MYO9A: variants seen among roughly 807,000 people sequenced by gnomAD.
MYO9A encodes the protein myosin IXA.
MYO9A carries 103 observed loss-of-function variants against 293.3 expected under a neutral mutation model. The observed-to-expected ratio is 0.35, with a 90% CI of 0.30 to 0.41. The LOEUF (loss-of-function observed/expected upper bound fraction) is 0.41, where lower values mean the gene tolerates loss of function less well. MYO9A is among the 10% of genes least tolerant of loss of function. The pLI is 1.00. For missense variants in MYO9A, 2,685 were observed against 3,033.0 expected, an observed-to-expected ratio of 0.89 and a Z score of 2.69; for synonymous variants, 1,001 against 1,035.7, an observed-to-expected ratio of 0.97 and a Z score of 0.64.
intron 10 of MYO9A, among the ~76,000 whole-genome samples, chr15:71,993,282 G>A (rs530751598): frequency 2.6e-5 from 4 of 151,940 alleles, no homozygotes; most frequent in Non-Finnish European, 4.4e-5. Context: ...CCCAGGAGAC[G>A]GAGGTTGCAA....
At chr15:72,112,646 A>G (rs1369502747) in intron 1 of MYO9A, among the ~76,000 whole-genome samples, 1 of 152,238 alleles carries the variant, frequency 6.6e-6, no homozygotes, top group Non-Finnish European at 1.5e-5. Flanking sequence ...AACATAAATT[A>G]GGTATGTTCT....
intron 1 of MYO9A, among the ~76,000 whole-genome samples, chr15:72,086,271 T>C (rs1453670710): frequency 6.6e-6 from 1 of 152,154 alleles, no homozygotes; most frequent in Non-Finnish European, 1.5e-5. Context: ...GTGGTCACAC[T>C]GGTGGTGGTG....
chr15:71,883,444 T>C, intron 28 of MYO9A, 150 bp downstream of exon 28: 1 of 765,918 alleles, frequency 1.3e-6, no homozygotes, highest in South Asian at 4.2e-5. Context: ...CTTTATTTTT[T>C]AGTTAAGGAA....
At chr15:71,978,862 T>A (rs1399280762) in intron 11 of MYO9A, among the ~76,000 whole-genome samples, 1 of 152,082 alleles carries the variant, frequency 6.6e-6, no homozygotes, top group African/African-American at 2.4e-5. Flanking sequence ...TAAAATCATC[T>A]TACAAAGCGC....
intron 1 of MYO9A, among the ~76,000 whole-genome samples, chr15:72,099,763 A>G (rs2080205632): frequency 6.6e-6 from 1 of 150,590 alleles, no homozygotes; most frequent in Non-Finnish European, 1.5e-5. Flanking sequence ...TTGGTCGGGC[A>G]TGGTGGCATG....
chr15:71,869,595 T>C (rs2056444484), intron 32 of MYO9A, among the ~76,000 whole-genome samples: 2 of 152,172 alleles, frequency 1.3e-5, no homozygotes, highest in Admixed American at 1.3e-4. Flanking sequence ...GGTTAAGGGA[T>C]ACGGTTTATT....
chr15:71,916,663 T>C (rs979020616), intron 18 of MYO9A, among the ~76,000 whole-genome samples, 171 bp from the exon 19 acceptor site: 1 of 152,232 alleles, frequency 6.6e-6, no homozygotes, highest in African/African-American at 2.4e-5. Context: ...TGTCTTCCTC[T>C]AGAAGCTAGA....
chr15:71,845,672 C>T (rs1037365780), intron 39 of MYO9A, among the ~76,000 whole-genome samples: 2 of 152,170 alleles, frequency 1.3e-5, no homozygotes, highest in South Asian at 2.1e-4. Flanking sequence ...TTTGCTACCA[C>T]ACATTTAGTT....
chr15:71,886,910 G>A (rs907368988), intron 27 of MYO9A, among the ~76,000 whole-genome samples: 3 of 152,004 alleles, frequency 2.0e-5, no homozygotes, highest in Non-Finnish European at 4.4e-5. Flanking sequence ...GATTACCTTA[G>A]ATTATACCTC....
intron 1 of MYO9A, among the ~76,000 whole-genome samples, chr15:72,054,609 T>C (rs1437097896): frequency 2.1e-5 from 3 of 142,588 alleles, no homozygotes; most frequent in Non-Finnish European, 4.5e-5. Context: ...AGGCAGACGT[T>C]GAAGTGAGTA....
At chr15:71,943,840 A>G (rs1251141377) in intron 15 of MYO9A, among the ~76,000 whole-genome samples, 16 of 152,130 alleles carry the variant, frequency 1.1e-4, no homozygotes, top group Admixed American at 1.0e-3. Context: ...TTCATACGTA[A>G]AAGTCTTTTG....
At chr15:71,947,903 A>G (rs1226565245) in intron 15 of MYO9A, among the ~76,000 whole-genome samples, 2 of 152,162 alleles carry the variant, frequency 1.3e-5, no homozygotes, top group Non-Finnish European at 2.9e-5. Context: ...CCTTCTTTCT[A>G]GGGCTCCTGT....
chr15:71,867,260 C>T (rs558430425), intron 32 of MYO9A, among the ~76,000 whole-genome samples: 39 of 151,998 alleles, frequency 2.6e-4, no homozygotes, highest in Non-Finnish European at 5.1e-4. Context: ...CCATAAAGAT[C>T]GCAATTTAAA....
chr15:71,906,340 G>A lies in MYO9A; in HGVS notation c.2686-1334C>T, dbSNP rs190041575. Reference sequence around the variant, plus strand: ...TTCAGTTAGGTCAAGTAGGTTAATTGTTCTATTTAAGTCTTCCATATCCTT... The same window carrying A: ...TTCAGTTAGGTCAAGTAGGTTAATTATTCTATTTAAGTCTTCCATATCCTT... On this transcript the variant is annotated intron_variant, in intron 19 of 41. Transcript: ENST00000356056. Among the ~76,000 whole-genome samples the A allele has an allele frequency of 3.9e-3, 596 of 152,240 alleles. 4 individuals are homozygous for A. Among genetic ancestry groups the A allele is most frequent in the African/African-American group, 0.013 (560 of 41,556 alleles).
intron 1 of MYO9A, among the ~76,000 whole-genome samples, chr15:72,052,569 C>G (rs1315773721): frequency 6.6e-6 from 1 of 152,178 alleles, no homozygotes; most frequent in East Asian, 1.9e-4. Flanking sequence ...GAGCTAAGGC[C>G]CTTCATGGAG....
At chr15:71,911,204 T>A (rs2057840231) in intron 19 of MYO9A, among the ~76,000 whole-genome samples, 1 of 152,238 alleles carries the variant, frequency 6.6e-6, no homozygotes, top group Admixed American at 6.5e-5. Context: ...TATGTAGCTA[T>A]TCTAGAACAC....
intron 18 of MYO9A, among the ~76,000 whole-genome samples, chr15:71,930,483 G>T (rs1312298324): frequency 1.3e-5 from 2 of 151,808 alleles, no homozygotes; most frequent in African/African-American, 2.4e-5. Context: ...TACAGTTTTT[G>T]ACTTTATTTT....
intron 1 of MYO9A, among the ~76,000 whole-genome samples, chr15:72,051,489 C>T (rs924522073): frequency 1.4e-4 from 22 of 152,108 alleles, no homozygotes; most frequent in African/African-American, 4.3e-4. Flanking sequence ...CAGCTGCAGC[C>T]GCCCAAGCTG....
intron 33 of MYO9A, among the ~76,000 whole-genome samples, chr15:71,861,575 ATTTATC>A (rs2056124821): frequency 6.8e-6 from 1 of 146,892 alleles, no homozygotes; most frequent in African/African-American, 2.5e-5. Context: ...TAATTTATTC[ATTTATC>A]CATCCATCCA....
Sources: allele counts gnomAD v4.1 joint callset (sites outside exome capture counted in the v4.1 genomes callset), GRCh38; gene constraint gnomAD v4.1.1; transcripts MANE v1.5; gene names NCBI Gene and HGNC (gene_info 2026-07-23, HGNC 2026-07-21).